MEF2A: variants seen among roughly 807,000 people sequenced by gnomAD.
MEF2A encodes the protein myocyte-specific enhancer factor 2A.
Under a neutral mutation model 55.8 loss-of-function variants are expected in MEF2A, and 28 were observed. The ratio of observed to expected loss-of-function variants is 0.50; its 90% CI spans 0.37 to 0.69. MEF2A has a LOEUF of 0.69. MEF2A is among the 30% of genes least tolerant of loss of function. The pLI is 0.00. For missense variants in MEF2A, 528 were observed against 626.2 expected (o/e 0.84, Z 1.67); for synonymous variants, 239 against 227.1 (o/e 1.05, Z -0.47).
chr15:99,592,587 A>G (rs546733963), intron 1 of MEF2A, among the ~76,000 whole-genome samples: 1 of 152,358 alleles, frequency 6.6e-6, no homozygotes, highest in Non-Finnish European at 1.5e-5. Flanking sequence ...TACAAGAAGC[A>G]TACTGCTGGC....
At chr15:99,595,899 A>T (rs1971007957) in intron 1 of MEF2A, among the ~76,000 whole-genome samples, 1 of 152,160 alleles carries the variant, frequency 6.6e-6, no homozygotes, top group Non-Finnish European at 1.5e-5. Context: ...CGGGTAGTCG[A>T]GGGAGATAGG....
At chr15:99,594,135 A>T (rs1970321368) in intron 1 of MEF2A, among the ~76,000 whole-genome samples, 1 of 152,152 alleles carries the variant, frequency 6.6e-6, no homozygotes, top group Non-Finnish European at 1.5e-5. Context: ...GCCTGACAAG[A>T]CTGACCCACT....
chr15:99,660,158 A>G (rs887884936), intron 4 of MEF2A, among the ~76,000 whole-genome samples: 6 of 152,216 alleles, frequency 3.9e-5, no homozygotes, highest in African/African-American at 1.4e-4. Flanking sequence ...CTTCAGCAAA[A>G]TATTAGTCTA....
intron 1 of MEF2A, among the ~76,000 whole-genome samples, chr15:99,581,681 TATATA>T (rs1965979394): frequency 1.3e-5 from 2 of 152,186 alleles, no homozygotes; most frequent in Admixed American, 6.6e-5. Flanking sequence ...AATGGAAACA[TATATA>T]AGATATAGCT....
At chr15:99,677,212 A>G (rs74497777) in intron 7 of MEF2A, among the ~76,000 whole-genome samples, 1 of 152,276 alleles carries the variant, frequency 6.6e-6, no homozygotes, top group East Asian at 1.9e-4. Flanking sequence ...CTAGGCACAC[A>G]CACAAATAAA....
At chr15:99,580,239 T>G (rs1430555462) in intron 1 of MEF2A, among the ~76,000 whole-genome samples, 1 of 152,126 alleles carries the variant, frequency 6.6e-6, no homozygotes, top group East Asian at 1.9e-4. Context: ...ATTTGGTGAC[T>G]TCCCCCGCCC....
At chr15:99,637,219 A>G (rs1463074390) in intron 3 of MEF2A, among the ~76,000 whole-genome samples, 1 of 151,752 alleles carries the variant, frequency 6.6e-6, no homozygotes, top group African/African-American at 2.4e-5. Flanking sequence ...CAAAAAACCT[A>G]CTGGAATTTA....
intron 2 of MEF2A, among the ~76,000 whole-genome samples, chr15:99,600,551 G>A (rs1439010918): frequency 6.6e-6 from 1 of 152,126 alleles, no homozygotes; most frequent in Non-Finnish European, 1.5e-5. Flanking sequence ...CTACATTGAG[G>A]TCAGTGATCC....
intron 8 of MEF2A, among the ~76,000 whole-genome samples, chr15:99,693,456 C>A (rs2055888166): frequency 6.6e-6 from 1 of 152,112 alleles, no homozygotes; most frequent in African/African-American, 2.4e-5. Flanking sequence ...CACGCACACA[C>A]ACTCTCACTC....
rs146516990 is a variant in MEF2A, at chr15:99,643,401, T to C, written c.55-2160T>C. 3.6e-3 allele frequency among the ~76,000 whole-genome samples: 549 copies of C among 152,296 alleles called. 2 individuals are homozygous for C. Among genetic ancestry groups the C allele is most frequent in the African/African-American group, 0.012 (516 of 41,564 alleles). ...TGTTTTCTTGCTTTGTGACTTGTTA[T>C]ATTTTGTTATAATCTAATCTTCTAG... On this transcript the variant is annotated intron_variant, in intron 3 of 11. Coordinates refer to ENST00000557942, the MANE Select transcript of MEF2A (RefSeq NM_001319206.4).
rs1226625222 is a variant in MEF2A, at chr15:99,633,125, G to T, written c.6G>T (p.Gly2=). The change falls in exon 3 of 12, where the codon GGG becomes GGT. Residue 2 remains glycine, a synonymous_variant. Coordinates refer to ENST00000557942, the MANE Select transcript of MEF2A (RefSeq NM_001319206.4). ...ATAAGGAAAGTTGACTGAAAATGGG[G>T]CGGAAGAAAATACAAATCACACGCA... M[G]RKKIQITRIM... The T allele has an allele frequency of 6.3e-7, 1 of 1,599,846 alleles. No individual in the cohort carries two copies. Among genetic ancestry groups the T allele is most frequent in the South Asian group, 1.1e-5 (1 of 87,828 alleles).
chr15:99,610,304 G>A (rs1425232605), intron 2 of MEF2A, among the ~76,000 whole-genome samples: 2 of 151,384 alleles, frequency 1.3e-5, no homozygotes, highest in African/African-American at 4.9e-5. Flanking sequence ...TGCAAAGACG[G>A]TACCATCTTT....
chr15:99,627,499 A>G (rs1212564456), intron 2 of MEF2A, among the ~76,000 whole-genome samples: 1 of 140,876 alleles, frequency 7.1e-6, no homozygotes, highest in Non-Finnish European at 1.5e-5. Flanking sequence ...TGTTGGCTTT[A>G]TATATAGGCA....
intron 3 of MEF2A, among the ~76,000 whole-genome samples, chr15:99,635,390 T>A (rs2043612911): frequency 6.6e-6 from 1 of 152,228 alleles, no homozygotes; most frequent in African/African-American, 2.4e-5. Flanking sequence ...TCACTTTACT[T>A]CCACTTAGAA....
At position 99,700,184 on chromosome 15, in the gene MEF2A, A is replaced by G. The variant is rs1418954346; in HGVS notation, c.859-3178A>G. On this transcript the variant is annotated intron_variant, in intron 8 of 11. Transcript: ENST00000557942. The stretch of plus-strand genomic sequence containing the variant: ...GACACATACGTATATATGTGTGTAT[A>G]TATACACACACACACACACACACAC... 6.7e-5 allele frequency among the ~76,000 whole-genome samples: 4 copies of G among 59,320 alleles called. 1 individual carries two copies. The highest frequency in any genetic ancestry group is 1.5e-4 in the African/African-American group (4 of 26,426). The allele number at this position is 59,320 out of a possible 152,430, so 38.9% of individuals were successfully genotyped here.
chr15:99,690,515 CCACCGTAGAATCTA>C, intron 8 of MEF2A, 87 bp downstream of exon 8: 1 of 1,129,278 alleles, frequency 8.9e-7, no homozygotes, highest in Non-Finnish European at 1.3e-6. Context: ...ATTTTCTGTG[CCACCGTAGAATCTA>C]CACCTATTCC....
intron 4 of MEF2A, among the ~76,000 whole-genome samples, chr15:99,650,791 T>C (rs1489352646): frequency 6.6e-6 from 1 of 152,206 alleles, no homozygotes; most frequent in Non-Finnish European, 1.5e-5. Flanking sequence ...CAATGTGTAG[T>C]GCCCTGACCA....
intron 3 of MEF2A, among the ~76,000 whole-genome samples, chr15:99,643,990 A>G (rs1010575104): frequency 3.3e-5 from 5 of 152,206 alleles, no homozygotes; most frequent in African/African-American, 1.2e-4. Flanking sequence ...TGTATCATGA[A>G]CAGACTAGAT....
At chr15:99,675,263 C>T (rs1037758727) in intron 6 of MEF2A, 136 bp from the exon 7 acceptor site, 1 of 766,358 alleles carries the variant, frequency 1.3e-6, no homozygotes. Flanking sequence ...CAACTTCAGA[C>T]TGAGCTAGTT....
Sources: allele counts gnomAD v4.1 joint callset (sites outside exome capture counted in the v4.1 genomes callset), GRCh38; gene constraint gnomAD v4.1.1; transcripts MANE v1.5; gene names NCBI Gene and HGNC (gene_info 2026-07-23, HGNC 2026-07-21).